The following CNTN5 variants were observed in gnomAD, a reference collection of about 807,000 sequenced individuals.
CNTN5 encodes the protein contactin-5.
CNTN5 carries 77 observed loss-of-function variants against 129.1 expected under a neutral mutation model. The observed-to-expected ratio is 0.60, with a 90% CI of 0.50 to 0.72. The LOEUF is 0.72. CNTN5 is among the 30% of genes least tolerant of loss of function. The pLI, the probability that CNTN5 is intolerant of heterozygous loss-of-function variation, is 0.00. For missense variants in CNTN5, 1,478 were observed against 1,328.8 expected, an observed-to-expected ratio of 1.11 and a Z score of -1.75; for synonymous variants, 509 against 465.6, an observed-to-expected ratio of 1.09 and a Z score of -1.20.
chr11:100,343,787 A>G (rs1952219184), intron 23 of CNTN5, among the ~76,000 whole-genome samples: 1 of 152,052 alleles, frequency 6.6e-6, no homozygotes, highest in Non-Finnish European at 1.5e-5. Context: ...TGATACTCAG[A>G]AGGAGAATCC....
intron 2 of CNTN5, among the ~76,000 whole-genome samples, chr11:99,424,120 TA>T (rs1422776974): frequency 6.6e-6 from 1 of 152,074 alleles, no homozygotes; most frequent in Non-Finnish European, 1.5e-5. Flanking sequence ...TTAGGCACAG[TA>T]AAAGATGTAT....
intron 1 of CNTN5, among the ~76,000 whole-genome samples, chr11:99,153,973 G>T (rs1860204006): frequency 6.6e-6 from 1 of 152,072 alleles, no homozygotes; most frequent in African/African-American, 2.4e-5. Context: ...TTGGTAATGT[G>T]CTCTTGGCTT....
At chr11:99,945,984 C>A (rs1040755991) in intron 7 of CNTN5, among the ~76,000 whole-genome samples, 12 of 151,878 alleles carry the variant, frequency 7.9e-5, no homozygotes, top group Non-Finnish European at 1.5e-4. Flanking sequence ...ATTTTCTTAC[C>A]CTGTTCGTTG....
chr11:99,222,275 A>C (rs982877098), intron 1 of CNTN5, among the ~76,000 whole-genome samples: 3 of 151,930 alleles, frequency 2.0e-5, no homozygotes, highest in Admixed American at 6.6e-5. Context: ...AAACATAAGA[A>C]AATGTTTATA....
chr11:99,836,162 A>C (rs1367887367), intron 4 of CNTN5, among the ~76,000 whole-genome samples: 1 of 144,392 alleles, frequency 6.9e-6, no homozygotes, highest in African/African-American at 2.6e-5. Context: ...TTTTAATTAT[A>C]CTTTAAGTTC....
chr11:99,730,110 T>A (rs80042630), intron 3 of CNTN5, among the ~76,000 whole-genome samples: 2,810 of 152,214 alleles, frequency 0.018, 86 homozygotes, highest in African/African-American at 0.062. Flanking sequence ...TCCCATGCAC[T>A]CCCCACACCT....
At chr11:99,680,541 A>T (rs1025883682) in intron 3 of CNTN5, among the ~76,000 whole-genome samples, 1 of 151,598 alleles carries the variant, frequency 6.6e-6, no homozygotes, top group African/African-American at 2.4e-5. Context: ...ATGCTCAGAA[A>T]AAAAGACTCA....
At chr11:99,633,006 C>G (rs1951420389) in intron 3 of CNTN5, among the ~76,000 whole-genome samples, 1 of 151,956 alleles carries the variant, frequency 6.6e-6, no homozygotes, top group Admixed American at 6.6e-5. Flanking sequence ...AAAAGATACA[C>G]CCTCTCCCTA....
At position 100,308,431 on chromosome 11, in the gene CNTN5, A is replaced by G; in HGVS notation, c.2693A>G (p.His898Arg). Residue 898 changes from histidine to arginine, a missense_variant, in exon 21 of 25, where the codon CAC becomes CGC. By Grantham distance (29) the His-to-Arg change is conservative (BLOSUM62 0). Coordinates refer to ENST00000524871, the MANE Select transcript of CNTN5 (RefSeq NM_014361.4). ...SVSEILVAWK[H>R]IKESLGRPQG... ...TCAGAGATTCTTGTTGCATGGAAAC[A>G]CATTAAAGAGAGTCTAGGAAGACCA... The G allele has an allele frequency of 6.2e-7, 1 of 1,610,942 alleles. No individual in the cohort carries two copies. The highest frequency in any genetic ancestry group is 8.5e-7 in the Non-Finnish European group (1 of 1,177,874).
chr11:99,486,164 G>C (rs1416045815), intron 2 of CNTN5, among the ~76,000 whole-genome samples: 1 of 151,908 alleles, frequency 6.6e-6, no homozygotes, highest in African/African-American at 2.4e-5. Context: ...AATAGTATTT[G>C]TTTAAAATGC....
chr11:99,442,303 G>A (rs1391875134), intron 2 of CNTN5, among the ~76,000 whole-genome samples: 1 of 152,066 alleles, frequency 6.6e-6, no homozygotes, highest in Non-Finnish European at 1.5e-5. Context: ...CCGAGTAGCT[G>A]GGATTACAGG....
At chr11:99,389,518 T>C (rs1331307920) in intron 2 of CNTN5, among the ~76,000 whole-genome samples, 2 of 152,190 alleles carry the variant, frequency 1.3e-5, no homozygotes, top group Non-Finnish European at 2.9e-5. Context: ...TGCGTAGTGC[T>C]GATTAACATA....
intron 4 of CNTN5, among the ~76,000 whole-genome samples, chr11:99,826,593 T>C (rs1426214160): frequency 6.6e-6 from 1 of 152,228 alleles, no homozygotes; most frequent in African/African-American, 2.4e-5. Flanking sequence ...ATCTAAAATA[T>C]ATTGCATGTG....
chr11:99,270,679 G>A (rs1005255945), intron 1 of CNTN5, among the ~76,000 whole-genome samples: 1 of 151,854 alleles, frequency 6.6e-6, no homozygotes, highest in Non-Finnish European at 1.5e-5. Flanking sequence ...ATTAATAATA[G>A]GCATTTAGAA....
At chr11:99,270,884 T>A (rs1327298497) in intron 1 of CNTN5, among the ~76,000 whole-genome samples, 2 of 151,966 alleles carry the variant, frequency 1.3e-5, no homozygotes, top group African/African-American at 4.8e-5. Context: ...GTATTCAACG[T>A]AATGGCATGA....
In CNTN5 at chr11:99,625,601, T is replaced by C. The variant is rs149043229; in HGVS notation, c.55+69332T>C. ...CATTAAGATATGTACATATTTTATC[T>C]AATCATTAGAAGTCATTTTCATTTC... On this transcript the variant is annotated intron_variant, in intron 3 of 24. Coordinates refer to ENST00000524871, the MANE Select transcript of CNTN5 (RefSeq NM_014361.4). Among the ~76,000 whole-genome samples, 398 of 152,310 alleles carry C rather than the reference T, an allele frequency of 2.6e-3. 1 individual carries two copies. The highest frequency in any genetic ancestry group is 0.02 in the Middle Eastern group (6 of 294).
chr11:99,784,252 G>A (rs540410702), intron 3 of CNTN5, among the ~76,000 whole-genome samples: 8 of 152,040 alleles, frequency 5.3e-5, no homozygotes, highest in South Asian at 2.1e-4. Context: ...CCATCAACCC[G>A]TCATCTACAT....
chr11:99,409,357 A>C (rs1397556581), intron 2 of CNTN5, among the ~76,000 whole-genome samples: 2 of 152,134 alleles, frequency 1.3e-5, no homozygotes, highest in Non-Finnish European at 2.9e-5. Context: ...GGTCCCAGCT[A>C]CTCAGGAGGA....
At chr11:99,069,107 T>A (rs1865226894) in intron 1 of CNTN5, among the ~76,000 whole-genome samples, 1 of 152,066 alleles carries the variant, frequency 6.6e-6, no homozygotes, top group Admixed American at 6.6e-5. Flanking sequence ...ACTTTGAAAA[T>A]ATCAGTGTGG....
Sources: gnomAD v4.1 joint callset for allele counts (sites outside exome capture counted in the v4.1 genomes callset) on GRCh38, gnomAD v4.1.1 for gene constraint, MANE v1.5 for transcripts, NCBI Gene and HGNC (gene_info 2026-07-23, HGNC 2026-07-21) for gene names.